CA10: variants seen among roughly 807,000 people sequenced by gnomAD.
The protein encoded by CA10 is carbonic anhydrase-related protein 10.
CA10 carries 14 observed loss-of-function variants against 44.2 expected under a neutral mutation model. The observed-to-expected ratio is 0.32, with a 90% CI of 0.21 to 0.50. CA10 has a LOEUF of 0.50. CA10 is among the 20% of genes least tolerant of loss of function. The pLI, the probability that CA10 is intolerant of heterozygous loss-of-function variation, is 0.99. For synonymous variants in CA10, 159 were observed against 141.6 expected (o/e 1.12, Z -0.87); for missense variants, 350 against 409.7 (o/e 0.85, Z 1.26).
At position 51,764,314 on chromosome 17, in the gene CA10, C is replaced by T. The variant is rs779255099; in HGVS notation, c.280-16496G>A. Among the ~76,000 whole-genome samples, 47 of 152,258 alleles carry T rather than the reference C, an allele frequency of 3.1e-4. 1 individual carries two copies. In the Middle Eastern group the frequency reaches 0.017, roughly 55 times the overall value. ...CCACCTCCTCAAAGTCCTTTGAAAC[C>T]CCACAGGCTTGGTGATGATGCTTCC... On this transcript the variant is annotated intron_variant, in intron 3 of 8. Coordinates refer to ENST00000451037, the MANE Select transcript of CA10 (RefSeq NM_020178.5).
intron 2 of CA10, among the ~76,000 whole-genome samples, chr17:52,051,678 T>C (rs965083662): frequency 2.6e-5 from 4 of 151,998 alleles, no homozygotes; most frequent in African/African-American, 9.7e-5. Flanking sequence ...ACATGGTTGA[T>C]GGGAGTGTAA....
At chr17:51,791,203 G>A (rs1906505703) in intron 3 of CA10, among the ~76,000 whole-genome samples, 1 of 152,172 alleles carries the variant, frequency 6.6e-6, no homozygotes, top group Non-Finnish European at 1.5e-5. Flanking sequence ...GTAAATAGAA[G>A]AGCTAGACTA....
intron 2 of CA10, among the ~76,000 whole-genome samples, chr17:51,981,058 C>A (rs1162272499): frequency 1.3e-5 from 2 of 152,054 alleles, no homozygotes; most frequent in South Asian, 2.1e-4. Flanking sequence ...AACTCCAATA[C>A]CCATACATTG....
chr17:51,923,332 A>G (rs929856028), intron 3 of CA10, among the ~76,000 whole-genome samples: 1 of 152,076 alleles, frequency 6.6e-6, no homozygotes, highest in African/African-American at 2.4e-5. Flanking sequence ...ATTTCTTTCT[A>G]TCTCCCTTTT....
intron 1 of CA10, among the ~76,000 whole-genome samples, chr17:52,140,366 A>T (rs1484581918): frequency 6.6e-6 from 1 of 152,228 alleles, no homozygotes; most frequent in Non-Finnish European, 1.5e-5. Context: ...TGTTGCAGCT[A>T]CTCAACTTTG....
At chr17:51,734,353 T>A (rs1916825191) in intron 4 of CA10, among the ~76,000 whole-genome samples, 1 of 152,174 alleles carries the variant, frequency 6.6e-6, no homozygotes. Flanking sequence ...AGTCCTTTCA[T>A]TTCTGGATGA....
chr17:51,790,481 G>C (rs1285402235), intron 3 of CA10, among the ~76,000 whole-genome samples: 1 of 152,188 alleles, frequency 6.6e-6, no homozygotes, highest in African/African-American at 2.4e-5. Context: ...CACTTTCCCA[G>C]TTCTAGTGAG....
intron 3 of CA10, among the ~76,000 whole-genome samples, chr17:51,886,786 G>A (rs1172761890): frequency 2.6e-5 from 4 of 152,164 alleles, no homozygotes; most frequent in Admixed American, 2.0e-4. Flanking sequence ...GAACAAAAAG[G>A]CAAAGGAAGA....
At chr17:51,797,234 A>G (rs1046330209) in intron 3 of CA10, among the ~76,000 whole-genome samples, 1 of 152,246 alleles carries the variant, frequency 6.6e-6, no homozygotes, top group African/African-American at 2.4e-5. Flanking sequence ...AAGCAGCATG[A>G]AAAAGGATAT....
At chr17:51,989,277 T>G (rs192926375) in intron 2 of CA10, among the ~76,000 whole-genome samples, 85 of 151,976 alleles carry the variant, frequency 5.6e-4, no homozygotes, top group African/African-American at 1.9e-3. Context: ...TTAAGCCTAG[T>G]ATCCATTAGT....
intron 4 of CA10, among the ~76,000 whole-genome samples, chr17:51,739,581 C>T (rs976871547): frequency 2.0e-5 from 3 of 152,240 alleles, no homozygotes; most frequent in South Asian, 2.1e-4. Context: ...AATGAGTTGA[C>T]CGCAGGAGGC....
rs1379274878 is a variant in CA10, at chr17:51,717,711, A to G, written c.465+29922T>C. ...TATACATATATGCATGTATATATAC[A>G]TATATACGTATATATACATATATAC... On this transcript the variant is annotated intron_variant, in intron 4 of 8. Transcript: ENST00000451037. 6.1e-3 allele frequency among the ~76,000 whole-genome samples: 191 copies of G among 31,144 alleles called. 27 individuals carry two copies. The highest frequency in any genetic ancestry group is 7.5e-3 in the Non-Finnish European group (98 of 12,998). 20.4% of individuals were successfully genotyped at this position (31,144 alleles called of 152,430 possible). A position where few individuals can be genotyped will look rare whatever the true frequency, so the allele number is the denominator to read the frequency against.
At chr17:51,909,687 C>G (rs1242195081) in intron 3 of CA10, among the ~76,000 whole-genome samples, 2 of 152,070 alleles carry the variant, frequency 1.3e-5, no homozygotes, top group African/African-American at 4.8e-5. Context: ...CAACTGGAGG[C>G]TCAGCTTTTT....
At chr17:51,848,876 G>A (rs1414382094) in intron 3 of CA10, among the ~76,000 whole-genome samples, 1 of 151,870 alleles carries the variant, frequency 6.6e-6, no homozygotes, top group Non-Finnish European at 1.5e-5. Context: ...GCGAGACCCT[G>A]TTTCTAAAAT....
At chr17:51,931,235 A>G in intron 2 of CA10, 103 bp from the exon 3 acceptor site, 2 of 1,146,558 alleles carry the variant, frequency 1.7e-6, no homozygotes, top group Non-Finnish European at 2.5e-6. Context: ...GAAGAGAACC[A>G]CCAAATGTTC....
intron 3 of CA10, among the ~76,000 whole-genome samples, chr17:51,866,116 T>G (rs1979534951): frequency 6.6e-6 from 1 of 152,250 alleles, no homozygotes; most frequent in African/African-American, 2.4e-5. Flanking sequence ...CTCTGTCATG[T>G]CCTGATAGTT....
At position 51,649,214 on chromosome 17, in the gene CA10, T is replaced by C; in HGVS notation, c.602A>G (p.Asn201Ser). 3 of 1,613,588 alleles carry C rather than the reference T, an allele frequency of 1.9e-6. No homozygotes were observed. The highest frequency in any genetic ancestry group is 2.5e-6 in the Non-Finnish European group (3 of 1,179,518). Residue 201 changes from asparagine (N) to serine (S), a missense_variant, in exon 6 of 9, where the codon AAC (asparagine) becomes AGC (serine). Physicochemically the swap from Asn to Ser is conservative, Grantham distance 46 (BLOSUM62 1). Transcript: ENST00000451037. Reference sequence around the variant, plus strand: ...TGTTATTCTTGTGATAGTATCTCTGTTGAGCATTCGATTAAGAAATGGGTT... The same window carrying C: ...TGTTATTCTTGTGATAGTATCTCTGCTGAGCATTCGATTAAGAAATGGGTT... ...SSNPFLNRML[N>S]RDTITRITYK... is the part of the protein sequence containing the mutation.
intron 4 of CA10, among the ~76,000 whole-genome samples, chr17:51,741,585 G>T (rs1329023066): frequency 6.6e-6 from 1 of 152,138 alleles, no homozygotes; most frequent in Non-Finnish European, 1.5e-5. Flanking sequence ...TTTTGTTCCT[G>T]GGACACAAAT....
At chr17:52,144,808 C>G (rs144125029) in intron 1 of CA10, among the ~76,000 whole-genome samples, 1 of 152,120 alleles carries the variant, frequency 6.6e-6, no homozygotes, top group African/African-American at 2.4e-5. Context: ...TCAGCCATAT[C>G]GAAAGCAAAA....
Sources: gnomAD v4.1 joint callset for allele counts (sites outside exome capture counted in the v4.1 genomes callset) on GRCh38, gnomAD v4.1.1 for gene constraint, MANE v1.5 for transcripts, NCBI Gene and HGNC (gene_info 2026-07-23, HGNC 2026-07-21) for gene names.